Variants in PYHIN1 observed in about 807,000 individuals in gnomAD.
PYHIN1 encodes the protein pyrin and HIN domain family member 1.
In PYHIN1, 32 loss-of-function variants were observed where a neutral mutation model predicts 43.7. The ratio of observed to expected loss-of-function variants is 0.73; its 90% CI spans 0.55 to 0.98. The LOEUF (loss-of-function observed/expected upper bound fraction) is 0.98, where lower values mean the gene tolerates loss of function less well. Ranked by LOEUF, PYHIN1 falls within the 50% of genes least tolerant of loss-of-function variation. The pLI is 0.00. For missense variants in PYHIN1, 588 were observed against 589.5 expected (o/e 1.00, Z 0.03); for synonymous variants, 205 against 203.1 (o/e 1.01, Z -0.08).
At chr1:158,985,195 A>G in the PYHIN1 span, among the ~76,000 whole-genome samples, 1 of 152,088 alleles carries the variant, frequency 6.6e-6, no homozygotes, top group Non-Finnish European at 1.5e-5. Flanking sequence ...ATCCTGTCAT[A>G]GTGTTATTAG....
At chr1:158,945,202 C>A in intron 7 of PYHIN1, 160 bp downstream of exon 7, 2 of 640,508 alleles carry the variant, frequency 3.1e-6, no homozygotes, top group Admixed American at 3.4e-5. Context: ...TGAGATACTA[C>A]CACATGATAG....
chr1:158,943,469 CTACCAAGGACTTCAGTTTCCTTTG>C (rs1344400896), intron 5 of PYHIN1, among the ~76,000 whole-genome samples: 1 of 152,116 alleles, frequency 6.6e-6, no homozygotes, highest in Non-Finnish European at 1.5e-5. Flanking sequence ...CCAAATAAGC[CTACCAAGGACTTCAGTTTCCTTTG>C]TATCAAGGTG....
At chr1:158,987,022 A>G in the PYHIN1 span, among the ~76,000 whole-genome samples, 1 of 152,192 alleles carries the variant, frequency 6.6e-6, no homozygotes, top group Non-Finnish European at 1.5e-5. Context: ...GTGCATTCCC[A>G]TAAATAGCAT....
At chr1:158,986,867 TG>T in the PYHIN1 span, among the ~76,000 whole-genome samples, 1 of 152,188 alleles carries the variant, frequency 6.6e-6, no homozygotes, top group Non-Finnish European at 1.5e-5. Flanking sequence ...CAGATGTCTG[TG>T]GGAGTTATGG....
At chr1:158,978,274 C>CAT (rs57749637), downstream of PYHIN1, among the ~76,000 whole-genome samples, 134 of 150,918 alleles carry the variant, frequency 8.9e-4, no homozygotes, top group African/African-American at 3.1e-3. Flanking sequence ...TGTGTCTATA[C>CAT]ATATATATAT....
At chr1:158,985,360 C>T in the PYHIN1 span, among the ~76,000 whole-genome samples, 18 of 152,246 alleles carry the variant, frequency 1.2e-4, no homozygotes, top group East Asian at 2.3e-3. Context: ...GTAACAAATT[C>T]GCTTAGTGTT....
At chr1:158,962,852 G>C (rs938429686) in intron 7 of PYHIN1, among the ~76,000 whole-genome samples, 1 of 152,256 alleles carries the variant, frequency 6.6e-6, no homozygotes, top group East Asian at 1.9e-4. Context: ...TGTTTCCCTG[G>C]GGAGGGGGTC....
intron 7 of PYHIN1, among the ~76,000 whole-genome samples, chr1:158,946,841 C>T (rs1649251068): frequency 6.6e-6 from 1 of 152,108 alleles, no homozygotes; most frequent in South Asian, 2.1e-4. Flanking sequence ...TGTTGTGACT[C>T]ATATTGAAAA....
intron 1 of PYHIN1, among the ~76,000 whole-genome samples, chr1:158,935,054 C>G (rs1571714258): frequency 6.6e-6 from 1 of 152,236 alleles, no homozygotes; most frequent in East Asian, 1.9e-4. Flanking sequence ...TCATCATGTG[C>G]TAAAGTGCAC....
chr1:158,973,819 G>A (rs1651090326), intron 8 of PYHIN1, 48 bp downstream of exon 8: 1 of 1,596,428 alleles, frequency 6.3e-7, no homozygotes, highest in Non-Finnish European at 8.6e-7. Flanking sequence ...TATAATTGTA[G>A]GGGTAATCAG....
At chr1:158,966,971 T>C (rs1466343047) in intron 7 of PYHIN1, among the ~76,000 whole-genome samples, 1 of 152,136 alleles carries the variant, frequency 6.6e-6, no homozygotes, top group Non-Finnish European at 1.5e-5. Context: ...ACCCATAGTC[T>C]CTGCAGAAAA....
chr1:158,952,863 G>A (rs1649643654), intron 7 of PYHIN1, among the ~76,000 whole-genome samples: 1 of 152,226 alleles, frequency 6.6e-6, no homozygotes, highest in Non-Finnish European at 1.5e-5. Context: ...TCACTAGGGA[G>A]TGCCAGACAG....
chr1:158,990,849 G>A, the PYHIN1 span, among the ~76,000 whole-genome samples: 201 of 152,286 alleles, frequency 1.3e-3, no homozygotes, highest in South Asian at 4.8e-3. Flanking sequence ...GGCACATGGT[G>A]GGACCAGGGG....
chr1:158,939,644 C>G, intron 4 of PYHIN1: 1 of 939,550 alleles, frequency 1.1e-6, no homozygotes, highest in African/African-American at 1.6e-5. Context: ...CCTTTAAACT[C>G]TTACCTGGCC....
intron 7 of PYHIN1, among the ~76,000 whole-genome samples, chr1:158,958,595 G>A (rs1223554455): frequency 7.9e-6 from 1 of 127,332 alleles, no homozygotes; most frequent in African/African-American, 3.0e-5. Context: ...ATCACACTCT[G>A]GGGACTGTGG....
chr1:158,948,453 A>G (rs1262834941), intron 7 of PYHIN1, among the ~76,000 whole-genome samples: 1 of 152,158 alleles, frequency 6.6e-6, no homozygotes, highest in Non-Finnish European at 1.5e-5. Flanking sequence ...AATGATACAG[A>G]TATGTTTATG....
intron 7 of PYHIN1, among the ~76,000 whole-genome samples, chr1:158,960,859 G>A (rs759303827): frequency 4.6e-5 from 7 of 152,270 alleles, no homozygotes; most frequent in Non-Finnish European, 7.4e-5. Context: ...CCATTGTGAT[G>A]GACTGTTTTA....
At chr1:158,936,820 A>T in intron 1 of PYHIN1, 71 bp from the exon 2 acceptor site, 1 of 1,004,544 alleles carries the variant, frequency 1.0e-6, no homozygotes, top group Non-Finnish European at 1.4e-6. Flanking sequence ...CCACTTATTC[A>T]CATAGGCATA....
chr1:158,950,148 G>C (rs1184921709), intron 7 of PYHIN1, among the ~76,000 whole-genome samples: 1 of 152,222 alleles, frequency 6.6e-6, no homozygotes, highest in African/African-American at 2.4e-5. Context: ...GCGAAAGAGA[G>C]GCAGATCTAA....
Sources: gnomAD v4.1 joint callset for allele counts (sites outside exome capture counted in the v4.1 genomes callset) on GRCh38, gnomAD v4.1.1 for gene constraint, MANE v1.5 for transcripts, NCBI Gene and HGNC (gene_info 2026-07-23, HGNC 2026-07-21) for gene names.